The following MYRIP variants were observed in gnomAD, a reference collection of about 807,000 sequenced individuals.
MYRIP encodes the protein rab effector MyRIP.
In MYRIP, 49 loss-of-function variants were observed where a neutral mutation model predicts 98.0. The ratio of observed to expected loss-of-function variants is 0.50; its 90% CI spans 0.40 to 0.63. The LOEUF is 0.63. MYRIP is among the 30% of genes least tolerant of loss of function. MYRIP has a pLI of 0.00. For synonymous variants in MYRIP, 404 were observed against 409.5 expected (o/e 0.99, Z 0.16); for missense variants, 1,004 against 1,058.2 (o/e 0.95, Z 0.71).
At chr3:39,969,535 G>T (rs762457749) in intron 2 of MYRIP, among the ~76,000 whole-genome samples, 12 of 152,004 alleles carry the variant, frequency 7.9e-5, no homozygotes, top group Admixed American at 3.3e-4. Context: ...ATATGAAGGG[G>T]TATTGAATTT....
At chr3:40,156,382 T>C (rs887959074) in intron 4 of MYRIP, among the ~76,000 whole-genome samples, 30 of 152,224 alleles carry the variant, frequency 2.0e-4, no homozygotes, top group Non-Finnish European at 8.8e-5. Flanking sequence ...ACCATGCTTG[T>C]TTGGTTACTG....
chr3:40,235,091 A>G (rs1051401462), intron 12 of MYRIP, among the ~76,000 whole-genome samples: 1 of 151,918 alleles, frequency 6.6e-6, no homozygotes, highest in Non-Finnish European at 1.5e-5. Context: ...CAAGAAGCCC[A>G]CTATCTGTCT....
intron 1 of MYRIP, among the ~76,000 whole-genome samples, chr3:39,874,933 C>T (rs1465011460): frequency 2.0e-5 from 3 of 152,094 alleles, no homozygotes; most frequent in African/African-American, 2.4e-5. Flanking sequence ...TTCCTCCTTG[C>T]ACCTCAGGTA....
intron 2 of MYRIP, among the ~76,000 whole-genome samples, chr3:39,943,497 A>G (rs1238050408): frequency 6.6e-6 from 1 of 152,094 alleles, no homozygotes; most frequent in Non-Finnish European, 1.5e-5. Flanking sequence ...TTGGGATATC[A>G]TGACTCCATA....
In MYRIP at chr3:40,204,029, AT is replaced by A. The variant is rs1951688269; in HGVS notation, c.1666-5824del. Among the ~76,000 whole-genome samples the A allele has an allele frequency of 5.2e-4, 3 of 5,804 alleles. 1 individual carries two copies. The highest frequency in any genetic ancestry group is 7.5e-4 in the Non-Finnish European group (2 of 2,658). The allele number at this position is 5,804 out of a possible 152,430, so 3.8% of individuals were successfully genotyped here. ...ATATTATATATAATATATATTATAT[AT>A]ATTATATATTATATATAATATATTT... On this transcript the variant is annotated intron_variant, in intron 10 of 16. Transcript: ENST00000302541.
intron 9 of MYRIP, among the ~76,000 whole-genome samples, chr3:40,184,085 C>T (rs1950962298): frequency 6.6e-6 from 1 of 152,176 alleles, no homozygotes; most frequent in Non-Finnish European, 1.5e-5. Context: ...ATGGTGTTTG[C>T]TTTTGCTTTT....
intron 3 of MYRIP, among the ~76,000 whole-genome samples, chr3:40,142,484 A>G (rs1236215778): frequency 6.6e-6 from 1 of 151,998 alleles, no homozygotes. Context: ...ATTTTTTTTT[A>G]TAGGATCTGG....
chr3:40,027,689 G>T (rs2125814306), intron 2 of MYRIP, among the ~76,000 whole-genome samples: 1 of 152,078 alleles, frequency 6.6e-6, no homozygotes, highest in South Asian at 2.1e-4. Context: ...CTACCTTAAT[G>T]CACATTTTAT....
intron 2 of MYRIP, among the ~76,000 whole-genome samples, chr3:39,932,633 C>T (rs1003196519): frequency 2.0e-5 from 3 of 152,110 alleles, no homozygotes; most frequent in African/African-American, 4.8e-5. Flanking sequence ...GATCTACCCG[C>T]CTTGGCCTCC....
chr3:39,846,403 T>C (rs1364456926), intron 1 of MYRIP, among the ~76,000 whole-genome samples: 36 of 152,170 alleles, frequency 2.4e-4, no homozygotes, highest in Admixed American at 2.4e-3. Flanking sequence ...CCACCTTTCC[T>C]TTTCCCTATG....
chr3:40,217,005 G>C (rs1952141038), intron 11 of MYRIP, among the ~76,000 whole-genome samples: 1 of 152,136 alleles, frequency 6.6e-6, no homozygotes, highest in Non-Finnish European at 1.5e-5. Flanking sequence ...ACAAATATTT[G>C]TAGTTATCTA....
chr3:39,976,662 T>C (rs1443679339), intron 2 of MYRIP, among the ~76,000 whole-genome samples: 2 of 152,060 alleles, frequency 1.3e-5, no homozygotes, highest in Admixed American at 6.6e-5. Flanking sequence ...CCAACAATGA[T>C]AGAGTGGATT....
At chr3:40,033,086 A>G (rs1947296843) in intron 2 of MYRIP, among the ~76,000 whole-genome samples, 1 of 150,744 alleles carries the variant, frequency 6.6e-6, no homozygotes, top group Non-Finnish European at 1.5e-5. Context: ...AATAAGAGCT[A>G]TCTATGACAA....
chr3:39,885,701 T>G (rs1397522751), intron 1 of MYRIP, among the ~76,000 whole-genome samples: 1 of 152,090 alleles, frequency 6.6e-6, no homozygotes, highest in East Asian at 1.9e-4. Flanking sequence ...TGTTTCTTTT[T>G]ATTCTTTTTT....
chr3:40,238,730 G>A (rs1408099579), intron 12 of MYRIP: 1 of 151,802 alleles, frequency 6.6e-6, no homozygotes, highest in Admixed American at 6.6e-5. Context: ...TTCCTTGAGG[G>A]ACACAATAGG....
At chr3:39,999,114 A>G (rs894139400) in intron 2 of MYRIP, among the ~76,000 whole-genome samples, 1 of 152,262 alleles carries the variant, frequency 6.6e-6, no homozygotes, top group Non-Finnish European at 1.5e-5. Flanking sequence ...GGACATAGGC[A>G]TGGGCAAGGA....
At chr3:39,949,553 A>G (rs1321594642) in intron 2 of MYRIP, among the ~76,000 whole-genome samples, 1 of 152,184 alleles carries the variant, frequency 6.6e-6, no homozygotes, top group African/African-American at 2.4e-5. Context: ...ATTATCTGTC[A>G]GTGATTTCTA....
chr3:40,196,388 A>G (rs1396103714), intron 10 of MYRIP, among the ~76,000 whole-genome samples: 2 of 151,916 alleles, frequency 1.3e-5, no homozygotes, highest in East Asian at 1.9e-4. Context: ...TTTTGTTTCC[A>G]CCCCACTAGC....
At chr3:40,161,976 C>T (rs1018925531) in intron 4 of MYRIP, among the ~76,000 whole-genome samples, 2 of 152,138 alleles carry the variant, frequency 1.3e-5, no homozygotes, top group African/African-American at 4.8e-5. Context: ...TGCTTTTCCT[C>T]TCTGCAGCCC....
Sources: gnomAD v4.1 joint callset for allele counts (sites outside exome capture counted in the v4.1 genomes callset) on GRCh38, gnomAD v4.1.1 for gene constraint, MANE v1.5 for transcripts, NCBI Gene and HGNC (gene_info 2026-07-23, HGNC 2026-07-21) for gene names.